RCAN2: variants seen among roughly 807,000 people sequenced by gnomAD.
RCAN2 encodes calcipressin-2.
RCAN2 carries 9 observed loss-of-function variants against 23.6 expected under a neutral mutation model. The observed-to-expected ratio is 0.38, with a 90% CI of 0.23 to 0.67. The LOEUF is 0.67. Ranked by LOEUF, RCAN2 falls within the 30% of genes least tolerant of loss-of-function variation. The probability of loss-of-function intolerance (pLI) is 0.51; values close to 1 mark genes in which losing one functional copy is unlikely to be tolerated. For missense variants in RCAN2, 273 were observed against 302.3 expected (o/e 0.90, Z 0.72); for synonymous variants, 109 against 115.7 (o/e 0.94, Z 0.37).
intron 2 of RCAN2, among the ~76,000 whole-genome samples, chr6:46,378,046 G>A (rs2150392222): frequency 6.6e-6 from 1 of 152,300 alleles, no homozygotes; most frequent in East Asian, 1.9e-4. Flanking sequence ...TGTCATAACA[G>A]CTGTACATAG....
At chr6:46,344,968 A>G (rs1035426584) in intron 2 of RCAN2, among the ~76,000 whole-genome samples, 12 of 152,052 alleles carry the variant, frequency 7.9e-5, no homozygotes, top group African/African-American at 2.7e-4. Context: ...CTCTTTATGT[A>G]TATGCAAAAC....
intron 2 of RCAN2, among the ~76,000 whole-genome samples, chr6:46,389,985 A>C (rs545564006): frequency 3.3e-5 from 5 of 151,708 alleles, no homozygotes; most frequent in African/African-American, 1.2e-4. Flanking sequence ...ACAAAAACAA[A>C]GAAAAATGAA....
chr6:46,418,800 A>G (rs1235972715), intron 2 of RCAN2, among the ~76,000 whole-genome samples: 3 of 150,406 alleles, frequency 2.0e-5, no homozygotes, highest in African/African-American at 7.3e-5. Context: ...TTAGAAAATA[A>G]TGTGATTGGC....
At chr6:46,418,693 G>GTATATATA (rs1402938888) in intron 2 of RCAN2, among the ~76,000 whole-genome samples, 2 of 99,608 alleles carry the variant, frequency 2.0e-5, no homozygotes, top group African/African-American at 7.2e-5. Flanking sequence ...ATATGTGTGT[G>GTATATATA]TGTATATATA....
intron 4 of RCAN2, among the ~76,000 whole-genome samples, chr6:46,225,620 T>C (rs566302553): frequency 2.6e-5 from 4 of 152,248 alleles, no homozygotes; most frequent in Non-Finnish European, 5.9e-5. Flanking sequence ...TCCCACTTTT[T>C]GATGGGGTTG....
intron 2 of RCAN2, among the ~76,000 whole-genome samples, chr6:46,420,544 C>CTTTT (rs965214233): frequency 1.4e-5 from 2 of 138,558 alleles, no homozygotes; most frequent in Non-Finnish European, 3.2e-5. Context: ...TTCTGATTAA[C>CTTTT]TTTTTTTTTT....
intron 2 of RCAN2, among the ~76,000 whole-genome samples, chr6:46,283,606 A>G (rs1762272553): frequency 6.6e-6 from 1 of 152,192 alleles, no homozygotes; most frequent in South Asian, 2.1e-4. Flanking sequence ...GTATCTGTGC[A>G]GCCTTGCTCA....
At chr6:46,229,474 A>C (rs1582006233) in intron 4 of RCAN2, among the ~76,000 whole-genome samples, 1 of 151,760 alleles carries the variant, frequency 6.6e-6, no homozygotes, top group Admixed American at 6.6e-5. Context: ...ATTTCTTTTT[A>C]TTCTTTTTTC....
At chr6:46,334,815 T>C (rs951161652) in intron 2 of RCAN2, among the ~76,000 whole-genome samples, 8 of 152,192 alleles carry the variant, frequency 5.3e-5, no homozygotes, top group African/African-American at 1.9e-4. Flanking sequence ...TGTCATTTCT[T>C]CTTTGCCGTA....
chr6:46,339,390 T>C (rs560168472), intron 2 of RCAN2, among the ~76,000 whole-genome samples: 8 of 151,708 alleles, frequency 5.3e-5, no homozygotes, highest in African/African-American at 1.5e-4. Flanking sequence ...TTTTGAGAGG[T>C]AAGTGGTTTT....
chr6:46,272,264 A>G (rs984421596), intron 2 of RCAN2, among the ~76,000 whole-genome samples: 11 of 152,172 alleles, frequency 7.2e-5, no homozygotes, highest in Admixed American at 6.5e-5. Context: ...TTCAAAATGG[A>G]GTTAAATATG....
At chr6:46,378,634 C>T (rs761824699) in intron 2 of RCAN2, among the ~76,000 whole-genome samples, 24 of 152,180 alleles carry the variant, frequency 1.6e-4, no homozygotes, top group Admixed American at 2.0e-4. Flanking sequence ...TTCAGTTGTG[C>T]AGGTTGTACA....
intron 1 of RCAN2, among the ~76,000 whole-genome samples, chr6:46,486,137 A>C (rs142021731): frequency 3.7e-4 from 56 of 152,284 alleles, no homozygotes; most frequent in African/African-American, 1.3e-3. Context: ...ACACCTTTGT[A>C]AAGTGGGGAG....
chr6:46,260,907 A>G (rs1191079298), intron 2 of RCAN2, among the ~76,000 whole-genome samples: 1 of 152,090 alleles, frequency 6.6e-6, no homozygotes, highest in Non-Finnish European at 1.5e-5. Flanking sequence ...GTTACATGCC[A>G]GAAAATTGGG....
At chr6:46,270,117 G>C (rs544283488) in intron 2 of RCAN2, among the ~76,000 whole-genome samples, 1 of 152,168 alleles carries the variant, frequency 6.6e-6, no homozygotes, top group Non-Finnish European at 1.5e-5. Context: ...TGGGAAGACT[G>C]GGGGCTTGGG....
chr6:46,448,304 T>C lies in RCAN2; in HGVS notation c.225+8448A>G, dbSNP rs536629896. Reference sequence around the variant, plus strand: ...TCACGAAGAAAAAGAAAACATGAACTGACCAATAACAAGTAAAAAGATCAA... The same window carrying C: ...TCACGAAGAAAAAGAAAACATGAACCGACCAATAACAAGTAAAAAGATCAA... On this transcript the variant is annotated intron_variant, in intron 2 of 4. Transcript: ENST00000371374. Among the ~76,000 whole-genome samples, 21 of 151,826 alleles carry C rather than the reference T, an allele frequency of 1.4e-4. No homozygotes were observed. In the East Asian group the frequency reaches 3.9e-3, roughly 28 times the overall value.
chr6:46,225,182 T>C (rs553853872), intron 4 of RCAN2, among the ~76,000 whole-genome samples: 38 of 152,372 alleles, frequency 2.5e-4, no homozygotes, highest in African/African-American at 9.1e-4. Context: ...CAGTCTATCA[T>C]TGATGGACAT....
intron 2 of RCAN2, among the ~76,000 whole-genome samples, chr6:46,289,441 A>G (rs1762471853): frequency 6.6e-6 from 1 of 152,244 alleles, no homozygotes; most frequent in Admixed American, 6.5e-5. Flanking sequence ...CTAAGTAAAT[A>G]AATCATCAGT....
At position 46,342,675 on chromosome 6, in the gene RCAN2, G is replaced by A. The variant is rs72863286; in HGVS notation, c.226-93779C>T. ...CTAAATGAACCAAATTCCATAAAGC[G>A]GTAAGCCCTTCCCATGGGAGCAAAA... On this transcript the variant is annotated intron_variant, in intron 2 of 4. Coordinates refer to ENST00000371374, the MANE Select transcript of RCAN2 (RefSeq NM_001251974.2). Among the ~76,000 whole-genome samples, 1,402 of 151,582 alleles carry A rather than the reference G, an allele frequency of 9.2e-3. 10 individuals are homozygous for A. The highest frequency in any genetic ancestry group is 0.015 in the Non-Finnish European group (988 of 67,862).
Sources: allele counts gnomAD v4.1 joint callset (sites outside exome capture counted in the v4.1 genomes callset), GRCh38; gene constraint gnomAD v4.1.1; transcripts MANE v1.5; gene names NCBI Gene and HGNC (gene_info 2026-07-23, HGNC 2026-07-21).